TRIP12: variants seen among roughly 807,000 people sequenced by gnomAD.
The protein encoded by TRIP12 is thyroid hormone receptor interactor 12, also known as E3 ubiquitin-protein ligase TRIP12.
A neutral mutation model predicts 244.2 loss-of-function variants in TRIP12; 25 were observed. The ratio of observed to expected loss-of-function variants is 0.10; its 90% CI spans 0.07 to 0.14. The LOEUF is 0.14. TRIP12 is among the 10% of genes least tolerant of loss of function. The pLI, the probability that TRIP12 is intolerant of heterozygous loss-of-function variation, is 1.00. For synonymous variants in TRIP12, 905 were observed against 873.1 expected (o/e 1.04, Z -0.64); for missense variants, 1,677 against 2,486.4 (o/e 0.67, Z 6.92).
chr2:229,771,116 T>C (rs1223829591), intron 39 of TRIP12, among the ~76,000 whole-genome samples: 3 of 152,222 alleles, frequency 2.0e-5, no homozygotes, highest in Non-Finnish European at 4.4e-5. Flanking sequence ...AGGACTAACT[T>C]TGATTGTGAA....
intron 4 of TRIP12, 31 bp from the exon 5 acceptor site, chr2:229,840,958 T>C (rs759770642): frequency 5.5e-6 from 8 of 1,457,200 alleles, no homozygotes; most frequent in African/African-American, 1.4e-5. Context: ...AGTGTAATTT[T>C]ATAATGAGAA....
chr2:229,826,945 G>C (rs2051808138), intron 8 of TRIP12, among the ~76,000 whole-genome samples: 1 of 152,082 alleles, frequency 6.6e-6, no homozygotes, highest in South Asian at 2.1e-4. Context: ...TTTGTAAACT[G>C]TATATTTATG....
chr2:229,904,602 C>A (rs1436571447), intron 1 of TRIP12, among the ~76,000 whole-genome samples: 7 of 151,916 alleles, frequency 4.6e-5, no homozygotes, highest in Non-Finnish European at 7.4e-5. Flanking sequence ...GAAGGAAAGA[C>A]TACATACAAA....
rs1375149258 is a variant in TRIP12, at chr2:229,764,217, A to T, written c.*3337T>A. The T allele has an allele frequency of 1.3e-5, 2 of 152,146 alleles. No homozygotes were observed. The highest frequency in any genetic ancestry group is 2.9e-5 in the Non-Finnish European group (2 of 68,022). The allele number at this position is 152,146 out of a possible 1,614,324, so 9.4% of individuals were successfully genotyped here. ...TCTGGATTTTTTTTTTTGAGGTAAC[A>T]AAGGAAGCATCTTCAGTGATTTGTC... On this transcript the variant is annotated 3_prime_UTR_variant, in exon 42 of 42. Transcript: ENST00000675903.
chr2:229,789,680 C>G lies in TRIP12; in HGVS notation c.4626G>C (p.Pro1542=), dbSNP rs146874504. ...TTAAAAGAAGGATCACATCTAATGA[C>G]GGGTCTTCAAATGTTATATTTTCAG... is the stretch of plus-strand genomic sequence containing the variant. The part of the protein sequence containing the change: ...TPPENITFED[P]SLDVILLLRV... The change falls in exon 31 of 42, where the codon CCG becomes CCC. Residue 1542 remains proline (P), a synonymous_variant. Transcript: ENST00000675903. The G allele has an allele frequency of 4.3e-6, 7 of 1,613,996 alleles. No homozygotes were observed. Among genetic ancestry groups the G allele is most frequent in the Non-Finnish European group, 5.9e-6 (7 of 1,179,974 alleles).
At chr2:229,793,347 A>G in intron 26 of TRIP12, 1 of 439,024 alleles carries the variant, frequency 2.3e-6, no homozygotes, top group Non-Finnish European at 4.0e-6. Flanking sequence ...TAAAAGACGG[A>G]TGTGTATGCA....
chr2:229,872,466 A>T (rs1038197350), intron 2 of TRIP12, among the ~76,000 whole-genome samples: 4 of 152,144 alleles, frequency 2.6e-5, no homozygotes, highest in Non-Finnish European at 1.5e-5. Context: ...CAGAAGGCTG[A>T]AGGAGGAGAA....
chr2:229,765,437 G>C lies in TRIP12; in HGVS notation c.*2117C>G, dbSNP rs2031453179. On this transcript the variant is annotated 3_prime_UTR_variant, in exon 42 of 42. Coordinates refer to ENST00000675903, the MANE Select transcript of TRIP12 (RefSeq NM_001348323.3). ...TAACCAAAGGTCCCGTGTATTGAAG[G>C]AGGAATAAGCTAAAGGCTGAGGCTT... The C allele has an allele frequency of 1.3e-5, 2 of 152,200 alleles. No homozygotes were observed. The highest frequency in any genetic ancestry group is 4.1e-4 in the South Asian group (2 of 4,826). 9.4% of individuals were successfully genotyped at this position (152,200 alleles called of 1,614,324 possible).
chr2:229,777,515 A>C, intron 36 of TRIP12, 36 bp from the exon 37 acceptor site: 4 of 1,608,796 alleles, frequency 2.5e-6, no homozygotes, highest in Non-Finnish European at 3.4e-6. Context: ...TCACTGTCAC[A>C]CTGAACTTCC....
At chr2:229,799,426 G>A (rs1327968995) in intron 21 of TRIP12, 43 bp from the exon 22 acceptor site, 2 of 1,533,556 alleles carry the variant, frequency 1.3e-6, no homozygotes, top group Non-Finnish European at 1.8e-6. Flanking sequence ...AATTACCACT[G>A]TTTTATATCT....
rs572588267 is a variant in TRIP12 at position 229,884,669 on chromosome 2, C to A, written c.-49-4541G>T. 3.0e-4 allele frequency among the ~76,000 whole-genome samples: 46 copies of A among 152,184 alleles called. 1 individual carries two copies. Among genetic ancestry groups the A allele is most frequent in the African/African-American group, 1.0e-3 (42 of 41,530 alleles). On this transcript the variant is annotated intron_variant, in intron 1 of 41. Coordinates refer to ENST00000675903, the MANE Select transcript of TRIP12 (RefSeq NM_001348323.3). The stretch of plus-strand genomic sequence containing the variant: ...GAACTTTCAGAACACTGAAAGAAAT[C>A]ACCTGCAAAAAAATAAAGCCAGGCA...
rs756163502 is a variant in TRIP12 at position 229,799,431 on chromosome 2, A to G, written c.3207-48T>C. 6.6e-6 allele frequency: 10 copies of G among 1,522,412 alleles called. No individual in the cohort carries two copies. In the South Asian group the frequency reaches 7.8e-5, roughly 12 times the overall value. The allele number at this position is 1,522,412 out of a possible 1,614,324, so 94.3% of individuals were successfully genotyped here. On this transcript the variant is annotated intron_variant, in intron 21 of 41. Transcript: ENST00000675903. ...TAAGTTTAGCAATTACCACTGTTTT[A>G]TATCTTCACTCACTGAAAAAGCAAA...
chr2:229,915,135 C>T (rs1167408674), intron 1 of TRIP12, among the ~76,000 whole-genome samples: 1 of 151,982 alleles, frequency 6.6e-6, no homozygotes, highest in Non-Finnish European at 1.5e-5. Context: ...CACCTGTATC[C>T]CGGCTACTCG....
rs558451349 is a variant in TRIP12, at chr2:229,803,911, AT to A, written c.2879+87del. 3.3e-4 allele frequency: 408 copies of A among 1,234,666 alleles called. No homozygotes were observed. In the African/African-American group the frequency reaches 5.6e-3, roughly 17 times the overall value. 76.5% of individuals were successfully genotyped at this position (1,234,666 alleles called of 1,614,324 possible). On this transcript the variant is annotated intron_variant, in intron 19 of 41. Coordinates refer to ENST00000675903, the MANE Select transcript of TRIP12 (RefSeq NM_001348323.3). ...ATACTCCTAACAAATTTTTGTGCATATTTTTTCTATTATTACTTTAGAGGTT... is the reference window on the plus strand; with the variant it reads ...ATACTCCTAACAAATTTTTGTGCATATTTTTCTATTATTACTTTAGAGGTT...
intron 4 of TRIP12, among the ~76,000 whole-genome samples, chr2:229,852,582 T>G (rs987774392): frequency 6.6e-6 from 1 of 152,196 alleles, no homozygotes; most frequent in Non-Finnish European, 1.5e-5. Context: ...AACTTCCTAA[T>G]GTACATTAAA....
intron 4 of TRIP12, among the ~76,000 whole-genome samples, chr2:229,850,180 G>A (rs539466470): frequency 5.9e-5 from 9 of 152,184 alleles, no homozygotes; most frequent in Admixed American, 1.3e-4. Context: ...TATATAACAT[G>A]GCCATTTATA....
intron 26 of TRIP12, 179 bp downstream of exon 26, chr2:229,795,000 A>G (rs1375869984): frequency 5.0e-6 from 3 of 598,784 alleles, no homozygotes; most frequent in African/African-American, 1.9e-5. Context: ...GGCATATGGT[A>G]TAATTTTAAA....
intron 1 of TRIP12, among the ~76,000 whole-genome samples, chr2:229,909,270 G>C (rs911901254): frequency 6.6e-6 from 1 of 151,890 alleles, no homozygotes; most frequent in Non-Finnish European, 1.5e-5. Context: ...TAAGGGCCAG[G>C]AGTGGTGACT....
Position 229,904,416 on chromosome 2 carries a change from CAAAAAA to C in TRIP12, c.-50+17458_-50+17463del, listed in dbSNP as rs34224407. ...CTGGGAAAGAGTGAGACTCCATCTCCAAAAAAAAAAAAAAAAAAAAAATTTTAATCT... is the reference window on the plus strand; with the variant it reads ...CTGGGAAAGAGTGAGACTCCATCTCCAAAAAAAAAAAAAAAATTTTAATCT... On this transcript the variant is annotated intron_variant, in intron 1 of 41. Coordinates refer to ENST00000675903, the MANE Select transcript of TRIP12 (RefSeq NM_001348323.3). Among the ~76,000 whole-genome samples, 8 of 87,604 alleles carry C rather than the reference CAAAAAA, an allele frequency of 9.1e-5. No individual in the cohort carries two copies. The East Asian group carries it at 9.8e-4, about 11-fold the overall frequency. The allele number at this position is 87,604 out of a possible 152,430, so 57.5% of individuals were successfully genotyped here.
Sources: gnomAD v4.1 joint callset for allele counts (sites outside exome capture counted in the v4.1 genomes callset) on GRCh38, gnomAD v4.1.1 for gene constraint, MANE v1.5 for transcripts, NCBI Gene and HGNC (gene_info 2026-07-23, HGNC 2026-07-21) for gene names.